The following PAPOLB variants were observed in gnomAD, a reference collection of about 807,000 sequenced individuals.
PAPOLB encodes PAP-beta.
In PAPOLB, 19 loss-of-function variants were observed where a neutral mutation model predicts 23.2. The ratio of observed to expected loss-of-function variants is 0.82; its 90% CI spans 0.57 to 1.20. The LOEUF (loss-of-function observed/expected upper bound fraction) is 1.20, where lower values mean the gene tolerates loss of function less well. PAPOLB is among the 50% of genes most tolerant of loss of function. The pLI is 0.00. For missense variants in PAPOLB, 822 were observed against 776.8 expected (o/e 1.06, Z -0.69); for synonymous variants, 360 against 290.7 (o/e 1.24, Z -2.43).
At position 4,858,911 on chromosome 7, in the gene PAPOLB, T is replaced by C. The variant is rs1005611010; in HGVS notation, c.*986A>G. 6.6e-6 allele frequency: 1 copy of C among 152,208 alleles called. No individual in the cohort carries two copies. Among genetic ancestry groups the C allele is most frequent in the Non-Finnish European group, 1.5e-5 (1 of 68,026 alleles). 9.4% of individuals were successfully genotyped at this position (152,208 alleles called of 1,614,324 possible). A position where few individuals can be genotyped will look rare whatever the true frequency, so the allele number is the denominator to read the frequency against. The stretch of plus-strand genomic sequence containing the variant: ...GAAGAGAGGGAGGCAAAAAGCTTTT[T>C]TGTTTTAGGACTAATGATTGAGGAC... On this transcript the variant is annotated 3_prime_UTR_variant, in exon 1 of 1. Coordinates refer to ENST00000404991, the MANE Select transcript of PAPOLB (RefSeq NM_020144.5).
At position 4,859,270 on chromosome 7, in the gene PAPOLB, TCTA is replaced by T. The variant is rs1308670100; in HGVS notation, c.*624_*626del. 2 of 152,674 alleles carry T rather than the reference TCTA, an allele frequency of 1.3e-5. No individual in the cohort carries two copies. Among genetic ancestry groups the T allele is most frequent in the Non-Finnish European group, 2.9e-5 (2 of 68,066 alleles). 9.5% of individuals were successfully genotyped at this position (152,674 alleles called of 1,614,324 possible). On this transcript the variant is annotated 3_prime_UTR_variant, in exon 1 of 1. Transcript: ENST00000404991. ...CCAATTTGAAAAATCTAAAATTAGT[TCTA>T]CTTTCTAATAAAAAATATAAAGTGC...
At position 4,862,006 on chromosome 7, in the gene PAPOLB, C is replaced by T. The variant is rs1179433280; in HGVS notation, c.-196G>A. The stretch of plus-strand genomic sequence containing the variant: ...CTCAGCCCCAACATGGCGCCAGACC[C>T]CTCAGCGGCTGCGTTCCAGAACCTA... On this transcript the variant is annotated 5_prime_UTR_variant, in exon 1 of 1. Coordinates refer to ENST00000404991, the MANE Select transcript of PAPOLB (RefSeq NM_020144.5). 3 of 435,474 alleles carry T rather than the reference C, an allele frequency of 6.9e-6. No individual in the cohort carries two copies. The highest frequency in any genetic ancestry group is 8.0e-5 in the Admixed American group (2 of 25,108). The allele number at this position is 435,474 out of a possible 1,614,324, so 27.0% of individuals were successfully genotyped here.
rs1783870074 is a variant in PAPOLB at position 4,857,814 on chromosome 7, C to T, written c.*2083G>A. The T allele has an allele frequency of 6.6e-6, 1 of 152,336 alleles. No individual in the cohort carries two copies. 9.4% of individuals were successfully genotyped at this position (152,336 alleles called of 1,614,324 possible). ...TTTTCAAAACAGTGCTTGAATATAC[C>T]AGGAGTACAGATACCATAAAACAAA... On this transcript the variant is annotated 3_prime_UTR_variant, in exon 1 of 1. Coordinates refer to ENST00000404991, the MANE Select transcript of PAPOLB (RefSeq NM_020144.5).
At position 4,861,841 on chromosome 7, in the gene PAPOLB, C is replaced by CCCCACCACCGCGACCTTCACGTCT; in HGVS notation, c.-32_-31insAGACGTGAAGGTCGCGGTGGTGGG. The CCCCACCACCGCGACCTTCACGTCT allele has an allele frequency of 7.2e-7, 1 of 1,397,804 alleles. No individual in the cohort carries two copies. Among genetic ancestry groups the CCCCACCACCGCGACCTTCACGTCT allele is most frequent in the Non-Finnish European group, 9.3e-7 (1 of 1,072,424 alleles). The allele number at this position is 1,397,804 out of a possible 1,614,324, so 86.6% of individuals were successfully genotyped here. On this transcript the variant is annotated 5_prime_UTR_variant, in exon 1 of 1. Coordinates refer to ENST00000404991, the MANE Select transcript of PAPOLB (RefSeq NM_020144.5). ...AGCGCCCGCCCCGCCAGGGCACGTC[C>CCCCACCACCGCGACCTTCACGTCT]CCCACCACCGCGACCTTCGCGGCCG...
rs922965987 is a variant in PAPOLB at position 4,858,675 on chromosome 7, G to C, written c.*1222C>G. ...ATGAACAAAACTTCTCATATGCAGT[G>C]ATCAAATGGTCATCCAAGATCAGAA... is the stretch of plus-strand genomic sequence containing the variant. On this transcript the variant is annotated 3_prime_UTR_variant, in exon 1 of 1. Transcript: ENST00000404991. 6.6e-6 allele frequency: 1 copy of C among 152,546 alleles called. No homozygotes were observed. The highest frequency in any genetic ancestry group is 1.5e-5 in the Non-Finnish European group (1 of 68,002). The allele number at this position is 152,546 out of a possible 1,614,324, so 9.4% of individuals were successfully genotyped here.
Position 4,860,479 on chromosome 7 carries a change from T to C in PAPOLB, c.1332A>G (p.Leu444=). ...GAATTTCAGAATTATCTGGCTTTTT[T>C]AGCCCTAACCCAATCACCCACATTG... ...FRTMWVIGLG[L]KKPDNSEILS... The change falls in exon 1 of 1, where the codon CTA becomes CTG. Residue 444 remains leucine (L), a synonymous_variant. Transcript: ENST00000404991. 3.1e-6 allele frequency: 5 copies of C among 1,614,082 alleles called. No individual in the cohort carries two copies. The East Asian group carries it at 1.1e-4, about 36-fold the overall frequency.
rs759782420 is a variant in PAPOLB at position 4,860,219 on chromosome 7, T to TC, written c.1591dup (p.Glu531GlyfsTer11). On this transcript the variant is annotated frameshift_variant, in exon 1 of 1. Coordinates refer to ENST00000404991, the MANE Select transcript of PAPOLB (RefSeq NM_020144.5). ...AGATGAAGGCACAGACATGCTGTTT[T>TC]CACAGCCTGCAGACAAGTCAAAGCT... 4.3e-5 allele frequency: 69 copies of TC among 1,614,040 alleles called. 1 individual carries two copies. The South Asian group carries it at 6.8e-4, about 16-fold the overall frequency.
At position 4,859,690 on chromosome 7, in the gene PAPOLB, A is replaced by G; in HGVS notation, c.*207T>C. The G allele has an allele frequency of 3.5e-6, 2 of 573,406 alleles. No homozygotes were observed. Among genetic ancestry groups the G allele is most frequent in the South Asian group, 2.2e-5 (1 of 44,820 alleles). 35.5% of individuals were successfully genotyped at this position (573,406 alleles called of 1,614,324 possible). ...TTAACCATTCAACCTGTTTTACTGA[A>G]TTCTTGATAACAGGAATTGGATTTG... On this transcript the variant is annotated 3_prime_UTR_variant, in exon 1 of 1. Transcript: ENST00000404991.
rs1783904389 is a variant in PAPOLB at position 4,858,966 on chromosome 7, GA to G, written c.*930del. 6.6e-6 allele frequency: 1 copy of G among 152,156 alleles called. No homozygotes were observed. Among genetic ancestry groups the G allele is most frequent in the Non-Finnish European group, 1.5e-5 (1 of 68,004 alleles). 9.4% of individuals were successfully genotyped at this position (152,156 alleles called of 1,614,324 possible). On this transcript the variant is annotated 3_prime_UTR_variant, in exon 1 of 1. Transcript: ENST00000404991. The stretch of plus-strand genomic sequence containing the variant: ...GAATATGGAGCTTTGATAGCTCAAA[GA>G]AAATGTTTGATTGCTAATTACTCTA...
At position 4,860,611 on chromosome 7, in the gene PAPOLB, T is replaced by C. The variant is rs1400343969; in HGVS notation, c.1200A>G (p.Arg400=). 1 of 1,614,188 alleles carries C rather than the reference T, an allele frequency of 6.2e-7. No homozygotes were observed. Among genetic ancestry groups the C allele is most frequent in the Non-Finnish European group, 8.5e-7 (1 of 1,179,992 alleles). The part of the protein sequence containing the change: ...EWVGLVESKI[R]ILVGSLEKNE... ...TCTTCTCCAAGCTCCCAACCAGGAT[T>C]CGGATCTTTGATTCCACCAAGCCCA... Residue 400 remains arginine (R), a synonymous_variant, in exon 1 of 1, where the codon CGA becomes CGG. Coordinates refer to ENST00000404991, the MANE Select transcript of PAPOLB (RefSeq NM_020144.5).
At position 4,860,863 on chromosome 7, in the gene PAPOLB, G is replaced by T. The variant is rs1441374132; in HGVS notation, c.948C>A (p.Ile316=). The stretch of plus-strand genomic sequence containing the variant: ...TCTGCTGTGGGTATGCTGGTGTGAT[G>T]ATAGGCATAAGATGGTACCTATCAC... The part of the protein sequence containing the change: ...NPSDRYHLMP[I]ITPAYPQQNS... Residue 316 remains isoleucine (I), a synonymous_variant, in exon 1 of 1, where the codon ATC becomes ATA. Transcript: ENST00000404991. 2 of 1,614,142 alleles carry T rather than the reference G, an allele frequency of 1.2e-6. No homozygotes were observed. The highest frequency in any genetic ancestry group is 1.7e-6 in the Non-Finnish European group (2 of 1,179,974).
rs775880193 is a variant in PAPOLB, at chr7:4,861,589, C to T, written c.222G>A (p.Lys74=). Residue 74 remains lysine (K), a synonymous_variant, in exon 1 of 1, where the codon AAG becomes AAA. Coordinates refer to ENST00000404991, the MANE Select transcript of PAPOLB (RefSeq NM_020144.5). ...TTTCACTGATTTCGCGTATCCATTC[C>T]TTTACCAGATTATTTAATTTTTCCA... The part of the protein sequence containing the change: ...LVLEKLNNLV[K]EWIREISESK... The T allele has an allele frequency of 2.5e-6, 4 of 1,611,896 alleles. No individual in the cohort carries two copies. Among genetic ancestry groups the T allele is most frequent in the African/African-American group, 1.3e-5 (1 of 74,808 alleles).
At position 4,858,292 on chromosome 7, in the gene PAPOLB, A is replaced by T. The variant is rs1783885091; in HGVS notation, c.*1605T>A. The T allele has an allele frequency of 6.6e-6, 1 of 152,332 alleles. No homozygotes were observed. The highest frequency in any genetic ancestry group is 1.9e-4 in the East Asian group (1 of 5,190). The allele number at this position is 152,332 out of a possible 1,614,324, so 9.4% of individuals were successfully genotyped here. On this transcript the variant is annotated 3_prime_UTR_variant, in exon 1 of 1. Coordinates refer to ENST00000404991, the MANE Select transcript of PAPOLB (RefSeq NM_020144.5). ...TTAGAGGAGGGACGGGAGGGGTTAA[A>T]GCAAGGCTAATTGGAAAGCCTGTTA...
rs751370500 is a variant in PAPOLB at position 4,861,770 on chromosome 7, G to A, written c.41C>T (p.Pro14Leu). Residue 14 changes from proline to leucine, a missense_variant, in exon 1 of 1, where the codon CCG (proline) becomes CTG (leucine). By Grantham distance (98) the Pro-to-Leu change is moderately conservative. This residue lies in a region of PAPOLB where 276 missense variants were observed against 243.9 expected (regional missense o/e 1.13). Transcript: ENST00000404991. ...GCCGTAGCGATTCGGCGGCGGCGCC[G>A]GCTGCGGTGGTCCCTGGGTTGTCAC... ...FPVTTQGPPQ[P>L]APPPNRYGVS... 3.6e-5 allele frequency: 54 copies of A among 1,485,748 alleles called. No homozygotes were observed. The African/African-American group carries it at 3.7e-4, about 10-fold the overall frequency. 92.0% of individuals were successfully genotyped at this position (1,485,748 alleles called of 1,614,324 possible). A position where few individuals can be genotyped will look rare whatever the true frequency, so the allele number is the denominator to read the frequency against.
In PAPOLB at chr7:4,859,155, C is replaced by T. The variant is rs1783908329; in HGVS notation, c.*742G>A. 6.6e-6 allele frequency: 1 copy of T among 152,324 alleles called. No homozygotes were observed. Among genetic ancestry groups the T allele is most frequent in the Admixed American group, 6.5e-5 (1 of 15,268 alleles). 9.4% of individuals were successfully genotyped at this position (152,324 alleles called of 1,614,324 possible). ...GGACTGAGCTAGATGTACTTTTATG[C>T]TTTCTCTGAAGTACAGTACACCGCT... On this transcript the variant is annotated 3_prime_UTR_variant, in exon 1 of 1. Coordinates refer to ENST00000404991, the MANE Select transcript of PAPOLB (RefSeq NM_020144.5).
chr7:4,861,862 G>GACCTTCGCA lies in PAPOLB; in HGVS notation c.-53_-52insTGCGAAGGT. On this transcript the variant is annotated 5_prime_UTR_variant, in exon 1 of 1. Coordinates refer to ENST00000404991, the MANE Select transcript of PAPOLB (RefSeq NM_020144.5). Reference sequence around the variant, plus strand: ...CGTCCCCCACCACCGCGACCTTCGCGGCCGCCGCCCGGGTCATGATCCGCT... The same window carrying GACCTTCGCA: ...CGTCCCCCACCACCGCGACCTTCGCGACCTTCGCAGCCGCCGCCCGGGTCATGATCCGCT... 7.8e-7 allele frequency: 1 copy of GACCTTCGCA among 1,279,268 alleles called. No individual in the cohort carries two copies. The highest frequency in any genetic ancestry group is 2.7e-5 in the East Asian group (1 of 37,208). The allele number at this position is 1,279,268 out of a possible 1,614,324, so 79.2% of individuals were successfully genotyped here.
In PAPOLB at chr7:4,860,365, C is replaced by T. The variant is rs758690910; in HGVS notation, c.1446G>A (p.Met482Ile). ...AVNSKMFEMG[M>I]KITAMHLRRK... ...TTCTTAAATGCATTGCAGTAATTTT[C>T]ATACCCATCTCAAACATCTTACTAT... The change falls in exon 1 of 1, where the codon ATG (methionine) becomes ATA (isoleucine). Residue 482 changes from methionine to isoleucine, a missense_variant. By Grantham distance (10) the Met-to-Ile change is conservative (BLOSUM62 1). Transcript: ENST00000404991. 1 of 1,613,976 alleles carries T rather than the reference C, an allele frequency of 6.2e-7. No homozygotes were observed. The highest frequency in any genetic ancestry group is 8.5e-7 in the Non-Finnish European group (1 of 1,179,868).
rs779974951 is a variant in PAPOLB, at chr7:4,860,667, C to A, written c.1144G>T (p.Ala382Ser). 50 of 1,614,034 alleles carry A rather than the reference C, an allele frequency of 3.1e-5. No individual in the cohort carries two copies. In the South Asian group the frequency reaches 5.4e-4, roughly 17 times the overall value. Reference sequence around the variant, plus strand: ...TCTAAATGTTGTTTTTCTGTTGATGCACTTGCCAGAAGTACAATATAATGC... The same window carrying A: ...TCTAAATGTTGTTTTTCTGTTGATGAACTTGCCAGAAGTACAATATAATGC... ...YKHYIVLLAS[A>S]STEKQHLEWV... Residue 382 changes from alanine to serine, a missense_variant, in exon 1 of 1, where the codon GCA becomes TCA. Ala to Ser is a moderately conservative substitution (Grantham distance 99). Coordinates refer to ENST00000404991, the MANE Select transcript of PAPOLB (RefSeq NM_020144.5).
At position 4,861,013 on chromosome 7, in the gene PAPOLB, C is replaced by G. The variant is rs112213840; in HGVS notation, c.798G>C (p.Ala266=). 6.2e-7 allele frequency: 1 copy of G among 1,614,096 alleles called. No individual in the cohort carries two copies. The highest frequency in any genetic ancestry group is 1.7e-5 in the Admixed American group (1 of 60,006). The change falls in exon 1 of 1, where the codon GCG becomes GCC. Residue 266 remains alanine, a synonymous_variant. Transcript: ENST00000404991. Reference sequence around the variant, plus strand: ...AGAAGAATTTCCGTACAAGAGTTGACGCTACTGCATTTGGATAAAGCTGAC... The same window carrying G: ...AGAAGAATTTCCGTACAAGAGTTGAGGCTACTGCATTTGGATAAAGCTGAC... ...RTCQLYPNAV[A]STLVRKFFLV...
Sources: gnomAD v4.1 joint callset for allele counts on GRCh38, gnomAD v4.1.1 for gene constraint, gnomAD v4.1.1 regional missense constraint, MANE v1.5 for transcripts, NCBI Gene and HGNC (gene_info 2026-07-23, HGNC 2026-07-21) for gene names.